The following FLACC1 variants were observed in gnomAD, a reference collection of about 807,000 sequenced individuals.
The protein encoded by FLACC1 is flagellum associated containing coiled-coil domains 1.
FLACC1 carries 66 observed loss-of-function variants against 62.8 expected under a neutral mutation model. The ratio of observed to expected loss-of-function variants is 1.05; its 90% CI spans 0.86 to 1.29. The LOEUF (loss-of-function observed/expected upper bound fraction) is 1.29, where lower values mean the gene tolerates loss of function less well. Ranked by LOEUF, FLACC1 falls within the 50% of genes most tolerant of loss-of-function variation. The pLI, the probability that FLACC1 is intolerant of heterozygous loss-of-function variation, is 0.00. For missense variants in FLACC1, 452 were observed against 489.1 expected, an observed-to-expected ratio of 0.92 and a Z score of 0.71; for synonymous variants, 156 against 161.0, an observed-to-expected ratio of 0.97 and a Z score of 0.24.
At chr2:201,321,604 T>C (rs1452830445) in intron 9 of FLACC1, among the ~76,000 whole-genome samples, 2 of 152,104 alleles carry the variant, frequency 1.3e-5, no homozygotes. Flanking sequence ...TGCATCCCCA[T>C]AGGAGGGGCA....
In FLACC1 at chr2:201,291,688, C is replaced by T. The variant is rs185927742; in HGVS notation, c.943-1903G>A. 4.3e-3 allele frequency among the ~76,000 whole-genome samples: 655 copies of T among 152,270 alleles called. 3 individuals are homozygous for T. The highest frequency in any genetic ancestry group is 8.1e-3 in the South Asian group (39 of 4,828). On this transcript the variant is annotated intron_variant, in intron 12 of 14. Coordinates refer to ENST00000392257, the MANE Select transcript of FLACC1 (RefSeq NM_001127391.3). The stretch of plus-strand genomic sequence containing the variant: ...AAAGCTGGATGGAGAATGACTTTGA[C>T]GAGTTGAGAGAAGAAGGCTTCAGAT...
At position 201,319,285 on chromosome 2, in the gene FLACC1, T is replaced by G. The variant is rs142558316; in HGVS notation, c.676-10035A>C. On this transcript the variant is annotated intron_variant, in intron 9 of 14. Coordinates refer to ENST00000392257, the MANE Select transcript of FLACC1 (RefSeq NM_001127391.3). ...AAGGAGTTCCCTATTCAATAAATGA[T>G]GCTGGGATAGCTGGCTAGCCATATG... Among the ~76,000 whole-genome samples the G allele has an allele frequency of 2.8e-3, 424 of 152,296 alleles. 2 individuals are homozygous for G. The highest frequency in any genetic ancestry group is 9.8e-3 in the African/African-American group (408 of 41,562).
intron 1 of FLACC1, among the ~76,000 whole-genome samples, chr2:201,352,533 C>A (rs896099445): frequency 1.1e-4 from 17 of 152,138 alleles, no homozygotes; most frequent in Non-Finnish European, 2.5e-4. Flanking sequence ...GATGTCCGTA[C>A]ATGTTTGGCA....
chr2:201,322,066 C>T (rs373275762), intron 9 of FLACC1, among the ~76,000 whole-genome samples: 56 of 152,052 alleles, frequency 3.7e-4, no homozygotes, highest in African/African-American at 1.2e-3. Context: ...GTCAGGGGTT[C>T]GAGACCAGCC....
chr2:201,307,749 G>C, intron 10 of FLACC1, 127 bp from the exon 11 acceptor site: 2 of 732,278 alleles, frequency 2.7e-6, no homozygotes, highest in Non-Finnish European at 4.7e-6. Context: ...TTGCAGCCTG[G>C]TGTTTGGCCT....
At chr2:201,307,645 C>G (rs1485432774) in intron 10 of FLACC1, 23 bp from the exon 11 acceptor site, 6 of 1,523,036 alleles carry the variant, frequency 3.9e-6, no homozygotes. Context: ...CAGGAAAGCA[C>G]ATATATGTGT....
intron 9 of FLACC1, among the ~76,000 whole-genome samples, chr2:201,314,313 G>A (rs1293098589): frequency 6.6e-6 from 1 of 151,926 alleles, no homozygotes; most frequent in Non-Finnish European, 1.5e-5. Context: ...CAAGAAATGA[G>A]GGGAGAAATC....
intron 7 of FLACC1, 63 bp from the exon 8 acceptor site, chr2:201,330,896 C>A: frequency 7.3e-7 from 1 of 1,368,122 alleles, no homozygotes; most frequent in East Asian, 2.3e-5. Flanking sequence ...TGAGCTGTTA[C>A]CCTGATCTGA....
chr2:201,337,880 G>T (rs561576458), intron 7 of FLACC1, among the ~76,000 whole-genome samples: 1 of 152,154 alleles, frequency 6.6e-6, no homozygotes, highest in East Asian at 1.9e-4. Context: ...TTCCCCACAG[G>T]ATTGCTTTGG....
chr2:201,291,571 G>C (rs1335564697), intron 12 of FLACC1, among the ~76,000 whole-genome samples: 1 of 152,184 alleles, frequency 6.6e-6, no homozygotes, highest in Non-Finnish European at 1.5e-5. Context: ...CCACAAAGAT[G>C]GGGAAAAAAC....
At chr2:201,303,660 C>T (rs1384329382) in intron 11 of FLACC1, among the ~76,000 whole-genome samples, 1 of 152,174 alleles carries the variant, frequency 6.6e-6, no homozygotes, top group Non-Finnish European at 1.5e-5. Context: ...CCCTGATGAA[C>T]ATCGATGCAA....
At chr2:201,360,851 G>A (rs912266956), upstream of FLACC1, among the ~76,000 whole-genome samples, 1 of 152,214 alleles carries the variant, frequency 6.6e-6, no homozygotes, top group African/African-American at 2.4e-5. Context: ...GCCAAGGTGG[G>A]TGGATCAACT....
chr2:201,351,117 C>A lies in FLACC1; in HGVS notation c.113+175G>T, dbSNP rs2272389. On this transcript the variant is annotated intron_variant, in intron 2 of 14. Coordinates refer to ENST00000392257, the MANE Select transcript of FLACC1 (RefSeq NM_001127391.3). ...AAAATGGCACAAACCCCAGGCAGGG[C>A]TGGCAAGATGAGGGTGCAGCCAACC... Among the ~76,000 whole-genome samples the A allele has an allele frequency of 9.1e-4, 138 of 152,352 alleles. 2 individuals carry two copies. In the East Asian group the frequency reaches 0.025, roughly 28 times the overall value.
intron 3 of FLACC1, 127 bp from the exon 4 acceptor site, chr2:201,348,429 T>G: frequency 4.4e-3 from 3,083 of 693,424 alleles, no homozygotes; most frequent in Non-Finnish European, 5.8e-3. Flanking sequence ...AGGGGATCCC[T>G]AGGATAGTTG....
rs189770148 is a variant in FLACC1, at chr2:201,342,987, A to G, written c.463-556T>C. Among the ~76,000 whole-genome samples, 5 of 152,316 alleles carry G rather than the reference A, an allele frequency of 3.3e-5. 1 individual carries two copies. Among genetic ancestry groups the G allele is most frequent in the Admixed American group, 3.3e-4 (5 of 15,306 alleles). On this transcript the variant is annotated intron_variant, in intron 6 of 14. Transcript: ENST00000392257. ...GGCCAGTGTCTCAGGATAAATCAATACTTCAAATCAGTCGGTGACCACTGT... is the reference window on the plus strand; with the variant it reads ...GGCCAGTGTCTCAGGATAAATCAATGCTTCAAATCAGTCGGTGACCACTGT...
chr2:201,296,720 G>T (rs1949872962), intron 12 of FLACC1, among the ~76,000 whole-genome samples: 1 of 152,048 alleles, frequency 6.6e-6, no homozygotes, highest in African/African-American at 2.4e-5. Context: ...CAATATGGCT[G>T]GAATAGAGAT....
At chr2:201,310,933 C>T (rs10931938) in intron 9 of FLACC1, among the ~76,000 whole-genome samples, 10,668 of 152,000 alleles carry the variant, frequency 0.07, 580 homozygotes, top group South Asian at 0.26. Flanking sequence ...TCCAAATAAG[C>T]ACATTTAGAA....
chr2:201,355,106 G>A (rs1023797256), intron 1 of FLACC1, among the ~76,000 whole-genome samples: 4 of 152,028 alleles, frequency 2.6e-5, no homozygotes, highest in Non-Finnish European at 4.4e-5. Flanking sequence ...CCAACAGGGC[G>A]AAACCCCGTC....
At chr2:201,329,905 C>G (rs1950559227) in intron 9 of FLACC1, among the ~76,000 whole-genome samples, 1 of 152,054 alleles carries the variant, frequency 6.6e-6, no homozygotes, top group Admixed American at 6.6e-5. Flanking sequence ...TCCTTTTGAC[C>G]AAGCACTCTA....
Sources: gnomAD v4.1 joint callset for allele counts (sites outside exome capture counted in the v4.1 genomes callset) on GRCh38, gnomAD v4.1.1 for gene constraint, MANE v1.5 for transcripts, NCBI Gene and HGNC (gene_info 2026-07-23, HGNC 2026-07-21) for gene names.